Variants in VWA3B observed in about 807,000 individuals in gnomAD.
The protein encoded by VWA3B is von Willebrand factor A domain-containing protein 3B.
VWA3B carries 138 observed loss-of-function variants against 158.3 expected under a neutral mutation model. That is an observed-to-expected ratio of 0.87 (90% confidence interval 0.76 to 1.00). The LOEUF is 1.00. Among genes scored for constraint, VWA3B ranks in the 50% least tolerant of loss-of-function variants. The pLI, the probability that VWA3B is intolerant of heterozygous loss-of-function variation, is 0.00. For synonymous variants in VWA3B, 596 were observed against 587.3 expected (o/e 1.01, Z -0.21); for missense variants, 1,555 against 1,565.1 (o/e 0.99, Z 0.11).
intron 12 of VWA3B, among the ~76,000 whole-genome samples, chr2:98,209,095 G>C (rs922071372): frequency 4.6e-5 from 7 of 151,920 alleles, no homozygotes; most frequent in South Asian, 2.1e-4. Flanking sequence ...CATTTGAATT[G>C]GTGCTCTTTT....
At chr2:98,175,768 A>G (rs182385661) in intron 8 of VWA3B, among the ~76,000 whole-genome samples, 1 of 152,320 alleles carries the variant, frequency 6.6e-6, no homozygotes, top group Non-Finnish European at 1.5e-5. Context: ...ACACATTATA[A>G]TCAAGCTGTT....
chr2:98,145,358 C>T (rs1677096533), intron 7 of VWA3B, among the ~76,000 whole-genome samples: 1 of 152,206 alleles, frequency 6.6e-6, no homozygotes, highest in African/African-American at 2.4e-5. Flanking sequence ...TAACATACCC[C>T]CATGGAGTAG....
chr2:98,092,660 A>C lies in VWA3B; in HGVS notation c.-32-401A>C, dbSNP rs527483116. On this transcript the variant is annotated intron_variant, in intron 1 of 27. Transcript: ENST00000477737. Reference sequence around the variant, plus strand: ...TCCTTCTCAAAAACAAATGAACAAAAAACAACAACAACAACAACAAAGTAA... The same window carrying C: ...TCCTTCTCAAAAACAAATGAACAAACAACAACAACAACAACAACAAAGTAA... Among the ~76,000 whole-genome samples the C allele has an allele frequency of 1.7e-3, 252 of 151,746 alleles. 3 individuals carry two copies. The highest frequency in any genetic ancestry group is 2.6e-3 in the Non-Finnish European group (176 of 67,906).
intron 9 of VWA3B, among the ~76,000 whole-genome samples, chr2:98,187,664 C>CTGTG (rs3066239): frequency 0.026 from 3,710 of 141,752 alleles, 63 homozygotes; most frequent in Admixed American, 0.042. Flanking sequence ...GTCTCTGTGT[C>CTGTG]TGTGTGTGTG....
intron 21 of VWA3B, among the ~76,000 whole-genome samples, chr2:98,266,884 G>C (rs1687872707): frequency 6.7e-6 from 1 of 149,116 alleles, no homozygotes; most frequent in African/African-American, 2.5e-5. Context: ...TGTGGTTTTT[G>C]TACATTGATT....
intron 17 of VWA3B, 124 bp downstream of exon 17, chr2:98,234,891 TTCAAAGGAATCCCTTGTAAG>T: frequency 7.2e-7 from 1 of 1,387,822 alleles, no homozygotes; most frequent in Non-Finnish European, 9.6e-7. Flanking sequence ...TTGCTTCCTA[TTCAAAGGAATCCCTTGTAAG>T]TCAGGTCTGC....
At chr2:98,326,849 A>C in the VWA3B span, among the ~76,000 whole-genome samples, 1 of 152,170 alleles carries the variant, frequency 6.6e-6, no homozygotes, top group African/African-American at 2.4e-5. Flanking sequence ...CCAGAAGTCA[A>C]GCAATGCAGA....
At chr2:98,295,497 C>G (rs566738345) in intron 23 of VWA3B, among the ~76,000 whole-genome samples, 9 of 152,308 alleles carry the variant, frequency 5.9e-5, no homozygotes, top group African/African-American at 2.2e-4. Flanking sequence ...CAGCTGAATA[C>G]AGGACAACCC....
chr2:98,173,703 C>T (rs753106930), intron 8 of VWA3B, among the ~76,000 whole-genome samples: 2 of 152,190 alleles, frequency 1.3e-5, no homozygotes, highest in Admixed American at 6.5e-5. Flanking sequence ...GCCAGTGGCT[C>T]ACGCCTGTAA....
At chr2:98,234,220 C>T (rs925500971) in intron 16 of VWA3B, among the ~76,000 whole-genome samples, 2 of 152,172 alleles carry the variant, frequency 1.3e-5, no homozygotes, top group African/African-American at 4.8e-5. Context: ...GGGGCTATTT[C>T]CAGCTGGTGG....
chr2:98,153,379 T>A lies in VWA3B; in HGVS notation c.989-9472T>A, dbSNP rs571829875. Among the ~76,000 whole-genome samples the A allele has an allele frequency of 5.3e-5, 8 of 152,352 alleles. No homozygotes were observed. In the South Asian group the frequency reaches 1.7e-3, roughly 32 times the overall value. ...AGTATTATTCTTAAGTCCAAAAATATTGTAGCTGTAAAAATGTGGGTGATT... is the reference window on the plus strand; with the variant it reads ...AGTATTATTCTTAAGTCCAAAAATAATGTAGCTGTAAAAATGTGGGTGATT... On this transcript the variant is annotated intron_variant, in intron 7 of 27. Transcript: ENST00000477737.
At chr2:98,175,388 A>C (rs1345213848) in intron 8 of VWA3B, among the ~76,000 whole-genome samples, 1 of 152,242 alleles carries the variant, frequency 6.6e-6, no homozygotes, top group African/African-American at 2.4e-5. Context: ...AAGCAAATAG[A>C]AATTCTGTAG....
intron 22 of VWA3B, among the ~76,000 whole-genome samples, chr2:98,280,369 A>C (rs530598451): frequency 3.9e-4 from 60 of 152,346 alleles, no homozygotes; most frequent in African/African-American, 1.3e-3. Context: ...AGAGAAAAAA[A>C]ACACACAAGT....
chr2:98,308,877 T>C (rs1395209203), intron 26 of VWA3B, among the ~76,000 whole-genome samples: 1 of 152,102 alleles, frequency 6.6e-6, no homozygotes, highest in Non-Finnish European at 1.5e-5. Flanking sequence ...GACTCCTCCT[T>C]AAGAAGACTC....
At chr2:98,119,429 T>C in intron 3 of VWA3B, 84 bp from the exon 4 acceptor site, 7 of 1,465,990 alleles carry the variant, frequency 4.8e-6, no homozygotes, top group Non-Finnish European at 6.5e-6. Context: ...CTGTTATGAG[T>C]GCACAGTTCT....
At chr2:98,124,736 G>T (rs1462630768) in intron 5 of VWA3B, among the ~76,000 whole-genome samples, 1 of 152,214 alleles carries the variant, frequency 6.6e-6, no homozygotes, top group Non-Finnish European at 1.5e-5. Context: ...AAGCCTAGGG[G>T]ATGAGAGCAC....
At chr2:98,267,994 A>T (rs1294640477) in intron 21 of VWA3B, among the ~76,000 whole-genome samples, 1 of 152,108 alleles carries the variant, frequency 6.6e-6, no homozygotes, top group Non-Finnish European at 1.5e-5. Flanking sequence ...AACCAGGAAG[A>T]AATTGAATCT....
At chr2:98,259,469 A>G (rs1475520601) in intron 21 of VWA3B, among the ~76,000 whole-genome samples, 1 of 151,606 alleles carries the variant, frequency 6.6e-6, no homozygotes, top group Non-Finnish European at 1.5e-5. Context: ...TTCTTGAGTC[A>G]TTTTGGTAAT....
chr2:98,309,283 T>G (rs960735495), intron 26 of VWA3B, among the ~76,000 whole-genome samples: 3 of 152,214 alleles, frequency 2.0e-5, no homozygotes, highest in Non-Finnish European at 2.9e-5. Context: ...GGACTCAGCA[T>G]TTCCTCTGTG....
Sources: allele counts gnomAD v4.1 joint callset (sites outside exome capture counted in the v4.1 genomes callset), GRCh38; gene constraint gnomAD v4.1.1; transcripts MANE v1.5; gene names NCBI Gene and HGNC (gene_info 2026-07-23, HGNC 2026-07-21).